The following ZNF385D variants were observed in gnomAD, a reference collection of about 807,000 sequenced individuals.
ZNF385D encodes the protein zinc finger protein 659.
In ZNF385D, 15 loss-of-function variants were observed where a neutral mutation model predicts 35.8. That is an observed-to-expected ratio of 0.42 (90% CI 0.28 to 0.64). The LOEUF is 0.64. Among genes scored for constraint, ZNF385D ranks in the 30% least tolerant of loss-of-function variants. ZNF385D has a pLI of 0.23. For missense variants in ZNF385D, 474 were observed against 494.6 expected, an observed-to-expected ratio of 0.96 and a Z score of 0.39; for synonymous variants, 212 against 186.8, an observed-to-expected ratio of 1.13 and a Z score of -1.10.
At chr3:21,946,460 T>C (rs1701789472) in intron 3 of ZNF385D, among the ~76,000 whole-genome samples, 1 of 138,940 alleles carries the variant, frequency 7.2e-6, no homozygotes, top group African/African-American at 2.8e-5. Context: ...TTGAAGTTTT[T>C]CTTTGTTTCT....
rs537653731 is a variant in ZNF385D at position 21,984,884 on chromosome 3, C to T, written c.325+183933G>A. Among the ~76,000 whole-genome samples, 18 of 139,738 alleles carry T rather than the reference C, an allele frequency of 1.3e-4. No homozygotes were observed. The East Asian group carries it at 3.2e-3, about 25-fold the overall frequency. The allele number at this position is 139,738 out of a possible 152,430, so 91.7% of individuals were successfully genotyped here. The stretch of plus-strand genomic sequence containing the variant: ...TTCTCCTTGAAGAGGTCCTTCACGT[C>T]CCTTGTAAGTTGGATTCCTAGGTAT... On this transcript the variant is annotated intron_variant, in intron 3 of 5. Coordinates refer to the ZNF385D transcript ENST00000494108.
intron 3 of ZNF385D, among the ~76,000 whole-genome samples, chr3:21,926,603 A>T (rs1448557780): frequency 6.6e-6 from 1 of 152,158 alleles, no homozygotes; most frequent in Non-Finnish European, 1.5e-5. Context: ...ACACGTGTGC[A>T]TGTGTCTTTA....
intron 4 of ZNF385D, among the ~76,000 whole-genome samples, chr3:21,503,191 A>T (rs1479281023): frequency 6.6e-6 from 1 of 152,208 alleles, no homozygotes; most frequent in African/African-American, 2.4e-5. Context: ...GAAGACTTGG[A>T]ATAGTAGCGT....
chr3:21,755,611 A>G (rs2070304997), upstream of ZNF385D, among the ~76,000 whole-genome samples: 1 of 152,184 alleles, frequency 6.6e-6, no homozygotes, highest in Non-Finnish European at 1.5e-5. Flanking sequence ...ATTCTTTTTC[A>G]CATAGCACAC....
At chr3:21,831,100 T>C (rs976219644) in intron 3 of ZNF385D, among the ~76,000 whole-genome samples, 26 of 152,212 alleles carry the variant, frequency 1.7e-4, no homozygotes, top group Non-Finnish European at 2.4e-4. Context: ...GCATGTCTCA[T>C]TGAAACAAAT....
chr3:21,752,123 G>A (rs2070131879), upstream of ZNF385D, among the ~76,000 whole-genome samples: 1 of 148,114 alleles, frequency 6.8e-6, no homozygotes. Context: ...ATAATGAATT[G>A]CAGTCCTTAT....
At chr3:21,445,064 T>C (rs955754208) in intron 4 of ZNF385D, among the ~76,000 whole-genome samples, 14 of 152,196 alleles carry the variant, frequency 9.2e-5, no homozygotes, top group African/African-American at 3.1e-4. Context: ...TCCAGTCCCC[T>C]GAGGAGATAA....
chr3:22,100,875 T>C (rs1701902895), intron 3 of ZNF385D, among the ~76,000 whole-genome samples: 3 of 151,552 alleles, frequency 2.0e-5, no homozygotes. Flanking sequence ...AAAAATAAAA[T>C]AAAATAAATA....
intron 3 of ZNF385D, among the ~76,000 whole-genome samples, chr3:21,909,724 A>G (rs1013851574): frequency 1.3e-5 from 2 of 151,996 alleles, no homozygotes; most frequent in Non-Finnish European, 2.9e-5. Flanking sequence ...TAAGAAGACA[A>G]ATTCCAGACC....
intron 2 of ZNF385D, among the ~76,000 whole-genome samples, chr3:21,621,273 T>G (rs929767911): frequency 7.2e-5 from 11 of 152,178 alleles, no homozygotes; most frequent in African/African-American, 2.4e-4. Context: ...ACAGCTGTAC[T>G]GCAAGCTAAG....
intron 4 of ZNF385D, among the ~76,000 whole-genome samples, chr3:21,478,587 T>C (rs1303790193): frequency 1.3e-5 from 2 of 152,198 alleles, no homozygotes; most frequent in Non-Finnish European, 2.9e-5. Context: ...TCTATTACTA[T>C]AACTTTGGAT....
intron 3 of ZNF385D, among the ~76,000 whole-genome samples, chr3:21,868,044 A>G (rs1044754725): frequency 1.3e-5 from 2 of 152,162 alleles, no homozygotes; most frequent in African/African-American, 4.8e-5. Context: ...AAATATATGC[A>G]TATATGTATG....
chr3:22,243,935 CATTATAT>C (rs1699628505), intron 2 of ZNF385D, among the ~76,000 whole-genome samples: 1 of 150,654 alleles, frequency 6.6e-6, no homozygotes, highest in South Asian at 2.2e-4. Context: ...GAAATTTACC[CATTATAT>C]ATTTCTATTA....
chr3:21,912,176 A>G (rs1021653246), intron 3 of ZNF385D, among the ~76,000 whole-genome samples: 5 of 152,050 alleles, frequency 3.3e-5, no homozygotes, highest in African/African-American at 1.2e-4. Context: ...AGTCTCAACC[A>G]TTTCTCTTCT....
chr3:21,429,490 A>G (rs1701191512), intron 5 of ZNF385D, among the ~76,000 whole-genome samples: 1 of 152,016 alleles, frequency 6.6e-6, no homozygotes, highest in South Asian at 2.1e-4. Flanking sequence ...TTATTTCCCT[A>G]TATAATTATG....
At chr3:21,671,501 A>G (rs973790512) in intron 1 of ZNF385D, among the ~76,000 whole-genome samples, 2 of 152,112 alleles carry the variant, frequency 1.3e-5, no homozygotes, top group African/African-American at 4.8e-5. Flanking sequence ...AAAACACACA[A>G]TTCTGCCAGG....
chr3:21,430,656 A>G (rs1360742615), intron 5 of ZNF385D, among the ~76,000 whole-genome samples: 2 of 152,152 alleles, frequency 1.3e-5, no homozygotes, highest in African/African-American at 2.4e-5. Context: ...AAGTGTGACT[A>G]TAGAAAACAC....
At chr3:21,831,500 G>A (rs181092402) in intron 3 of ZNF385D, among the ~76,000 whole-genome samples, 2 of 152,178 alleles carry the variant, frequency 1.3e-5, no homozygotes, top group African/African-American at 2.4e-5. Context: ...AGCTAGTGGC[G>A]GTGCTCGAAC....
intron 3 of ZNF385D, among the ~76,000 whole-genome samples, chr3:21,866,682 C>T (rs532476270): frequency 1.3e-5 from 2 of 152,284 alleles, no homozygotes; most frequent in Admixed American, 6.5e-5. Flanking sequence ...TTGAGATCCA[C>T]TGCTATAGAG....
Sources: allele counts gnomAD v4.1 joint callset (sites outside exome capture counted in the v4.1 genomes callset), GRCh38; gene constraint gnomAD v4.1.1; transcripts MANE v1.5; gene names NCBI Gene and HGNC (gene_info 2026-07-23, HGNC 2026-07-21).